The following ACO1 variants were observed in gnomAD, a reference collection of about 807,000 sequenced individuals.
ACO1 encodes aconitase 1.
Under a neutral mutation model 105.1 loss-of-function variants are expected in ACO1, and 78 were observed. The ratio of observed to expected loss-of-function variants is 0.74; its 90% CI spans 0.62 to 0.90. The LOEUF (loss-of-function observed/expected upper bound fraction) is 0.90. Ranked by LOEUF, ACO1 falls within the 40% of genes least tolerant of loss-of-function variation. The pLI, the probability that ACO1 is intolerant of heterozygous loss-of-function variation, is 0.00. For synonymous variants in ACO1, 364 were observed against 397.4 expected (o/e 0.92, Z 1.00); for missense variants, 965 against 1,111.1 (o/e 0.87, Z 1.87).
intron 4 of ACO1, among the ~76,000 whole-genome samples, chr9:32,411,506 TA>T (rs1462098207): frequency 4.6e-5 from 7 of 152,320 alleles, no homozygotes; most frequent in Non-Finnish European, 8.8e-5. Flanking sequence ...GGCAAAGTGT[TA>T]ATATACTTAA....
At chr9:32,412,248 C>T (rs1244238743) in intron 4 of ACO1, among the ~76,000 whole-genome samples, 1 of 152,060 alleles carries the variant, frequency 6.6e-6, no homozygotes, top group Non-Finnish European at 1.5e-5. Flanking sequence ...CATTGTAGCT[C>T]AACGAGCGAG....
chr9:32,388,778 T>G (rs566149817), intron 1 of ACO1, among the ~76,000 whole-genome samples: 8 of 152,316 alleles, frequency 5.3e-5, no homozygotes, highest in African/African-American at 1.9e-4. Context: ...TAATAACAGA[T>G]GTGTGCCTAT....
chr9:32,398,583 T>TTG (rs1821421985), intron 1 of ACO1, among the ~76,000 whole-genome samples: 1 of 151,692 alleles, frequency 6.6e-6, no homozygotes, highest in Admixed American at 6.6e-5. Context: ...CTTTGTTTTT[T>TTG]TTTGTTTGTT....
chr9:32,411,865 A>AT (rs1442130686), intron 4 of ACO1, among the ~76,000 whole-genome samples: 1 of 152,088 alleles, frequency 6.6e-6, no homozygotes, highest in East Asian at 1.9e-4. Context: ...CATACCCTTT[A>AT]TATCATTTAT....
intron 10 of ACO1, 75 bp from the exon 11 acceptor site, chr9:32,425,763 A>G (rs1822076652): frequency 1.8e-6 from 2 of 1,092,278 alleles, no homozygotes; most frequent in Non-Finnish European, 2.6e-6. Context: ...ATATGTATGT[A>G]TTTTCCTCTA....
At position 32,430,565 on chromosome 9, in the gene ACO1, G is replaced by A. The variant is rs762862154; in HGVS notation, c.1717G>A (p.Glu573Lys). The change falls in exon 14 of 21, where the codon GAG becomes AAG. Residue 573 changes from glutamate (E) to lysine (K), a missense_variant. By Grantham distance (56) the Glu-to-Lys change is moderately conservative. Coordinates refer to ENST00000309951, the MANE Select transcript of ACO1 (RefSeq NM_002197.3). The stretch of plus-strand genomic sequence containing the variant: ...AACCATCAGAATCGACTTTGAGAAA[G>A]AGCCATTGGGTAAGATTTTGTTTGT... ...AGTIRIDFEK[E>K]PLGVNAKGQQ... is the part of the protein sequence containing the mutation. 1.4e-5 allele frequency: 23 copies of A among 1,601,938 alleles called. 1 individual carries two copies. The South Asian group carries it at 2.6e-4, about 18-fold the overall frequency.
Position 32,422,185 on chromosome 9 carries a change from G to A in ACO1, c.971-1134G>A, listed in dbSNP as rs190710325. Among the ~76,000 whole-genome samples, 19 of 152,304 alleles carry A rather than the reference G, an allele frequency of 1.2e-4. No homozygotes were observed. In the South Asian group the frequency reaches 1.4e-3, roughly 12 times the overall value. The stretch of plus-strand genomic sequence containing the variant: ...AGGGAAGGTTAGTTGGTTAGTTCCC[G>A]TGGTGCTGCAGGTGGCCATTATACT... On this transcript the variant is annotated intron_variant, in intron 8 of 20. Transcript: ENST00000309951.
chr9:32,398,236 G>T (rs7033149), intron 1 of ACO1, among the ~76,000 whole-genome samples: 123,041 of 152,178 alleles, frequency 0.81, 50,032 homozygotes, highest in Middle Eastern at 0.91. Flanking sequence ...ATTCATAGAT[G>T]TATATATTCC....
At chr9:32,427,081 C>T (rs1360279972) in intron 11 of ACO1, among the ~76,000 whole-genome samples, 1 of 152,038 alleles carries the variant, frequency 6.6e-6, no homozygotes, top group African/African-American at 2.4e-5. Context: ...ATTTCCTTGC[C>T]TAGCTTTGAG....
intron 4 of ACO1, among the ~76,000 whole-genome samples, chr9:32,410,716 A>C (rs1821719228): frequency 6.6e-6 from 1 of 151,836 alleles, no homozygotes; most frequent in Non-Finnish European, 1.5e-5. Flanking sequence ...TGTACCAGCC[A>C]AAACCGTGAA....
At position 32,444,916 on chromosome 9, in the gene ACO1, T is replaced by C. The variant is rs1432694639; in HGVS notation, c.2371-3980T>C. On this transcript the variant is annotated intron_variant, in intron 19 of 20. Transcript: ENST00000309951. ...GGTTCTGTTTATGTGATGGATTACA[T>C]TTATTGAATTGCATATGTTGAACCA... 2.6e-5 allele frequency among the ~76,000 whole-genome samples: 4 copies of C among 152,348 alleles called. No homozygotes were observed. The East Asian group carries it at 7.7e-4, about 29-fold the overall frequency.
At chr9:32,425,803 T>C in intron 10 of ACO1, 35 bp from the exon 11 acceptor site, 3 of 1,428,152 alleles carry the variant, frequency 2.1e-6, no homozygotes, top group Non-Finnish European at 2.9e-6. Context: ...TATATAAATA[T>C]ATTCCTATAT....
rs1164886344 is a variant in ACO1, at chr9:32,432,104, C to T, written c.1851+261C>T. 2.6e-5 allele frequency among the ~76,000 whole-genome samples: 4 copies of T among 152,150 alleles called. No homozygotes were observed. The East Asian group carries it at 7.7e-4, about 29-fold the overall frequency. Reference sequence around the variant, plus strand: ...AAGAAAGGCCTCCTCAGGTTCAGCTCTCCAAAACCCCACGCCTTTCTCGGA... The same window carrying T: ...AAGAAAGGCCTCCTCAGGTTCAGCTTTCCAAAACCCCACGCCTTTCTCGGA... On this transcript the variant is annotated intron_variant, in intron 15 of 20. Transcript: ENST00000309951.
rs1167473704 is a variant in ACO1 at position 32,439,043 on chromosome 9, G to GTTTAATAGAAAAGTT, written c.2248-1422_2248-1421insTTTAATAGAAAAGTT. On this transcript the variant is annotated intron_variant, in intron 18 of 20. Transcript: ENST00000309951. This position sits in a 1 kb window ranked among gnomAD's most constrained non-coding sequence, Gnocchi z 4.0. Reference sequence around the variant, plus strand: ...AGCTGTTGCTTTCTAAGCTGTCAGTGGCTCTCAGCATGGCGTGTTTAATAG... The same window carrying GTTTAATAGAAAAGTT: ...AGCTGTTGCTTTCTAAGCTGTCAGTGTTTAATAGAAAAGTTGCTCTCAGCATGGCGTGTTTAATAG... Among the ~76,000 whole-genome samples the GTTTAATAGAAAAGTT allele has an allele frequency of 6.6e-6, 1 of 152,202 alleles. No individual in the cohort carries two copies. Among genetic ancestry groups the GTTTAATAGAAAAGTT allele is most frequent in the African/African-American group, 2.4e-5 (1 of 41,448 alleles).
chr9:32,446,055 G>A (rs538653959), intron 19 of ACO1, among the ~76,000 whole-genome samples: 5 of 152,320 alleles, frequency 3.3e-5, no homozygotes, highest in African/African-American at 9.6e-5. Flanking sequence ...TAGAAAAAGT[G>A]CAGTGTGGTG....
At chr9:32,431,257 C>A (rs528054788) in intron 14 of ACO1, among the ~76,000 whole-genome samples, 1 of 152,328 alleles carries the variant, frequency 6.6e-6, no homozygotes, top group Non-Finnish European at 1.5e-5. Flanking sequence ...ACTCTGACTT[C>A]TTGTTTCAGC....
At position 32,434,639 on chromosome 9, in the gene ACO1, C is replaced by T. The variant is rs547516735; in HGVS notation, c.2037C>T (p.His679=). The change falls in exon 17 of 21, where the codon CAC becomes CAT. Residue 679 remains histidine (H), a synonymous_variant. Transcript: ENST00000309951. ...TGGGAGATTCGGTAACAACTGACCACATCTCCCCAGCTGGAAATATTGCAA... is the reference window on the plus strand; with the variant it reads ...TGGGAGATTCGGTAACAACTGACCATATCTCCCCAGCTGGAAATATTGCAA... ...LNLGDSVTTD[H]ISPAGNIARN... The T allele has an allele frequency of 1.2e-6, 2 of 1,614,110 alleles. No individual in the cohort carries two copies. The highest frequency in any genetic ancestry group is 1.7e-5 in the Admixed American group (1 of 60,016).
intron 17 of ACO1, chr9:32,435,948 C>A (rs1431705864): frequency 1.9e-6 from 1 of 520,434 alleles, no homozygotes. Context: ...TTATAGGCTA[C>A]CCTACTAACA....
intron 16 of ACO1, 29 bp downstream of exon 16, chr9:32,433,861 A>T (rs766823211): frequency 6.6e-7 from 1 of 1,511,016 alleles, no homozygotes; most frequent in African/African-American, 1.4e-5. Flanking sequence ...TAACAAAATG[A>T]ATTCTTTGAA....
Sources: allele counts gnomAD v4.1 joint callset (sites outside exome capture counted in the v4.1 genomes callset), GRCh38; gene constraint gnomAD v4.1.1; non-coding constraint Gnocchi (gnomAD v3.1); transcripts MANE v1.5; gene names NCBI Gene and HGNC (gene_info 2026-07-23, HGNC 2026-07-21).